Variants in PCDHA5 observed in about 807,000 individuals in gnomAD.
The protein encoded by PCDHA5 is protocadherin alpha-5.
In PCDHA5, 43 loss-of-function variants were observed where a neutral mutation model predicts 61.6. That is an observed-to-expected ratio of 0.70 (90% CI 0.55 to 0.90). The LOEUF is 0.90. PCDHA5 is among the 40% of genes least tolerant of loss of function. The pLI is 0.00. For missense variants in PCDHA5, 1,298 were observed against 1,222.7 expected, an observed-to-expected ratio of 1.06 and a Z score of -0.92; for synonymous variants, 627 against 543.9, an observed-to-expected ratio of 1.15 and a Z score of -2.13.
intron 1 of PCDHA5, among the ~76,000 whole-genome samples, chr5:140,881,170 T>C (rs1442098863): frequency 1.3e-5 from 2 of 152,246 alleles, no homozygotes; most frequent in Non-Finnish European, 1.5e-5. Flanking sequence ...CCTCTTCCTC[T>C]TTTCCTTGCT....
intron 1 of PCDHA5, among the ~76,000 whole-genome samples, chr5:140,881,114 T>A (rs2058590741): frequency 6.6e-6 from 1 of 152,204 alleles, no homozygotes; most frequent in Admixed American, 6.5e-5. Context: ...GGCCTGGGAT[T>A]TTGTGGCTTG....
At position 140,840,546 on chromosome 5, in the gene PCDHA5, T is replaced by C. The variant is rs2150307753; in HGVS notation, c.2352+16419T>C. ...AGATGAAGAACTAACAAGCCAATGATGGCAATACTGCTAGAGTTTGGCATG... is the reference window on the plus strand; with the variant it reads ...AGATGAAGAACTAACAAGCCAATGACGGCAATACTGCTAGAGTTTGGCATG... On this transcript the variant is annotated intron_variant, in intron 1 of 3. Coordinates refer to ENST00000529859, the MANE Select transcript of PCDHA5 (RefSeq NM_018908.3). 2.8e-4 allele frequency among the ~76,000 whole-genome samples: 42 copies of C among 152,170 alleles called. 1 individual carries two copies. The highest frequency in any genetic ancestry group is 9.9e-4 in the African/African-American group (41 of 41,470).
rs2041307506 is a variant in PCDHA5 at position 140,850,030 on chromosome 5, C to A, written c.2352+25903C>A. 3.8e-6 allele frequency: 6 copies of A among 1,596,712 alleles called. 2 individuals carry two copies. The highest frequency in any genetic ancestry group is 5.1e-6 in the Non-Finnish European group (6 of 1,167,808). On this transcript the variant is annotated intron_variant, in intron 1 of 3. Coordinates refer to ENST00000529859, the MANE Select transcript of PCDHA5 (RefSeq NM_018908.3). ...CTGTCGAGCTACGTGTCAGTGCACG[C>A]GGAGAGCGGCAAGGTGTACGCGCTG...
intron 1 of PCDHA5, chr5:140,834,733 T>A: frequency 6.2e-7 from 1 of 1,614,226 alleles, no homozygotes; most frequent in Admixed American, 1.7e-5. Context: ...CTGCAGGTTT[T>A]CCATGTGGAC....
At chr5:140,855,286 A>G (rs1387384974) in intron 1 of PCDHA5, among the ~76,000 whole-genome samples, 2 of 149,848 alleles carry the variant, frequency 1.3e-5, no homozygotes, top group Non-Finnish European at 3.0e-5. Flanking sequence ...CCGTATTACT[A>G]TTAGGCCAAA....
intron 1 of PCDHA5, chr5:140,870,529 G>C: frequency 6.2e-7 from 1 of 1,614,214 alleles, no homozygotes. Flanking sequence ...CATCTTCACA[G>C]TGTCGGCGCG....
intron 1 of PCDHA5, chr5:140,865,989 T>A (rs955714257): frequency 1.3e-5 from 2 of 152,172 alleles, no homozygotes; most frequent in Non-Finnish European, 2.9e-5. Flanking sequence ...TGGCACTAAG[T>A]TTTTTTATGT....
chr5:140,869,091 A>C, intron 1 of PCDHA5: 1 of 1,591,040 alleles, frequency 6.3e-7, no homozygotes, highest in Non-Finnish European at 8.6e-7. Context: ...TTTGGAAGCC[A>C]ATTTCGTATG....
intron 1 of PCDHA5, chr5:140,836,001 G>C (rs2150250076): frequency 6.2e-7 from 1 of 1,613,350 alleles, no homozygotes; most frequent in Admixed American, 1.7e-5. Context: ...CGCGCGCGAT[G>C]CGGGCGTGCC....
At chr5:140,943,405 A>G (rs1030211474) in intron 1 of PCDHA5, among the ~76,000 whole-genome samples, 2 of 152,164 alleles carry the variant, frequency 1.3e-5, no homozygotes, top group Non-Finnish European at 2.9e-5. Flanking sequence ...ATTTAAATTC[A>G]GACTAGAGGC....
intron 1 of PCDHA5, chr5:140,848,138 T>A: frequency 5.1e-6 from 1 of 197,510 alleles, no homozygotes; most frequent in East Asian, 1.1e-4. Context: ...TACAAAACTT[T>A]TAGAGGCAGT....
At chr5:140,834,455 G>A (rs1554134225) in intron 1 of PCDHA5, 5 of 1,614,018 alleles carry the variant, frequency 3.1e-6, no homozygotes, top group Non-Finnish European at 4.2e-6. Context: ...TAGCAGCTTG[G>A]GAGGCAGGGA....
At chr5:140,930,245 C>T (rs1355884137) in intron 1 of PCDHA5, 2 of 152,164 alleles carry the variant, frequency 1.3e-5, no homozygotes, top group African/African-American at 4.8e-5. Flanking sequence ...AAAGTCCATT[C>T]AACTTGGATT....
chr5:140,836,416 C>T (rs2150260250), intron 1 of PCDHA5: 62 of 1,613,794 alleles, frequency 3.8e-5, no homozygotes, highest in Non-Finnish European at 5.0e-5. Context: ...GCACCAAAGG[C>T]GTCGTCGCGG....
intron 1 of PCDHA5, chr5:140,928,749 T>A: frequency 1.2e-6 from 2 of 1,614,194 alleles, no homozygotes; most frequent in Non-Finnish European, 1.7e-6. Flanking sequence ...GTGAGCTCCG[T>A]ACTGCTCGCT....
chr5:140,822,052 G>A lies in PCDHA5; in HGVS notation c.277G>A (p.Glu93Lys). Residue 93 changes from glutamate (E) to lysine (K), a missense_variant, in exon 1 of 4, where the codon GAG (glutamate) becomes AAG (lysine). Glu to Lys is a moderately conservative substitution (Grantham distance 56). Transcript: ENST00000529859. The stretch of plus-strand genomic sequence containing the variant: ...TGTGAATTCTCGGATCGACCGGGAG[G>A]AGCTGTGCCGGCGGAGGGCGGAGTG... ...LFVNSRIDRE[E>K]LCRRRAECSI... is the part of the protein sequence containing the mutation. 1 of 1,614,246 alleles carries A rather than the reference G, an allele frequency of 6.2e-7. No homozygotes were observed. The highest frequency in any genetic ancestry group is 8.5e-7 in the Non-Finnish European group (1 of 1,180,044).
At chr5:140,840,642 A>G (rs1776791475) in intron 1 of PCDHA5, among the ~76,000 whole-genome samples, 1 of 152,086 alleles carries the variant, frequency 6.6e-6, no homozygotes, top group Non-Finnish European at 1.5e-5. Flanking sequence ...ATATAGAGAA[A>G]TAGTGTAAAG....
At chr5:140,862,490 G>A (rs1554156448) in intron 1 of PCDHA5, 5 of 385,338 alleles carry the variant, frequency 1.3e-5, no homozygotes, top group Non-Finnish European at 2.1e-5. Context: ...GTTGGTAATC[G>A]CTCGGAATGG....
rs2150239032 is a variant in PCDHA5 at position 140,835,597 on chromosome 5, A to G, written c.2352+11470A>G. The G allele has an allele frequency of 3.1e-6, 5 of 1,613,762 alleles. No individual in the cohort carries two copies. Among genetic ancestry groups the G allele is most frequent in the East Asian group, 2.2e-5 (1 of 44,812 alleles). On this transcript the variant is annotated intron_variant, in intron 1 of 3. Coordinates refer to ENST00000529859, the MANE Select transcript of PCDHA5 (RefSeq NM_018908.3). ...TTGGTGTCCACCTTCAAGAATTACT[A>G]TTCATTGGTGCTGGACAGCGCTCTG...
Sources: gnomAD v4.1 joint callset for allele counts (sites outside exome capture counted in the v4.1 genomes callset) on GRCh38, gnomAD v4.1.1 for gene constraint, MANE v1.5 for transcripts, NCBI Gene and HGNC (gene_info 2026-07-23, HGNC 2026-07-21) for gene names.